DENND1A: variants seen among roughly 807,000 people sequenced by gnomAD.
The protein encoded by DENND1A is DENN domain-containing protein 1A.
A neutral mutation model predicts 113.7 loss-of-function variants in DENND1A; 51 were observed. The observed-to-expected ratio is 0.45, with a 90% CI of 0.36 to 0.57. The LOEUF is 0.57. Ranked by LOEUF, DENND1A falls within the 20% of genes least tolerant of loss-of-function variation. The probability of loss-of-function intolerance (pLI) is 0.00; values close to 1 mark genes in which losing one functional copy is unlikely to be tolerated. For missense variants in DENND1A, 1,258 were observed against 1,395.9 expected, an observed-to-expected ratio of 0.90 and a Z score of 1.57; for synonymous variants, 565 against 570.8, an observed-to-expected ratio of 0.99 and a Z score of 0.14.
chr9:123,502,379 T>C (rs2052566086), intron 13 of DENND1A, among the ~76,000 whole-genome samples: 1 of 152,240 alleles, frequency 6.6e-6, no homozygotes, highest in Non-Finnish European at 1.5e-5. Context: ...TTTTTAACAG[T>C]AGCCATCTTA....
Position 123,457,421 on chromosome 9 carries a change from T to G in DENND1A, c.1113A>C (p.Arg371=), listed in dbSNP as rs764726367. 5 of 1,613,666 alleles carry G rather than the reference T, an allele frequency of 3.1e-6. No homozygotes were observed. The highest frequency in any genetic ancestry group is 4.2e-6 in the Non-Finnish European group (5 of 1,179,686). The stretch of plus-strand genomic sequence containing the variant: ...CTTCGCCGGAATTGAGAAGATCTAA[T>G]CGACCATCAATAAACTATAGAAAGA... ...LQLFKQFIDG[R]LDLLNSGEGF... is the part of the protein sequence containing the mutation. Residue 371 remains arginine (R), a synonymous_variant, in exon 15 of 24, where the codon CGA becomes CGC. Coordinates refer to ENST00000394215, the MANE Select transcript of DENND1A (RefSeq NM_001352964.2).
intron 13 of DENND1A, among the ~76,000 whole-genome samples, chr9:123,513,142 G>C (rs1302121847): frequency 6.6e-6 from 1 of 152,194 alleles, no homozygotes; most frequent in African/African-American, 2.4e-5. Flanking sequence ...CGGTGAGGTG[G>C]CCATGGCCTG....
chr9:123,395,647 C>A lies in DENND1A; in HGVS notation c.1631+7755G>T, dbSNP rs1438521952. ...AGAGCCCAGACAGCTGCCCCTACCC[C>A]CTGGGGCCGAGGGCCCAGCTGGCAT... On this transcript the variant is annotated intron_variant, in intron 21 of 23. Transcript: ENST00000394215. Among the ~76,000 whole-genome samples, 4 of 152,130 alleles carry A rather than the reference C, an allele frequency of 2.6e-5. No homozygotes were observed. The East Asian group carries it at 5.8e-4, about 22-fold the overall frequency.
intron 19 of DENND1A, among the ~76,000 whole-genome samples, chr9:123,432,212 T>G (rs1430752657): frequency 1.3e-5 from 2 of 152,232 alleles, no homozygotes; most frequent in Non-Finnish European, 2.9e-5. Flanking sequence ...CTTTTTTGAT[T>G]GGCAAGTTTT....
intron 2 of DENND1A, among the ~76,000 whole-genome samples, chr9:123,841,022 C>A (rs1378453514): frequency 6.6e-6 from 1 of 152,154 alleles, no homozygotes; most frequent in East Asian, 1.9e-4. Flanking sequence ...CATCTCTGCC[C>A]TATTGTGAAG....
chr9:123,709,477 GCA>G (rs1211894202), intron 5 of DENND1A, among the ~76,000 whole-genome samples: 2 of 151,970 alleles, frequency 1.3e-5, no homozygotes, highest in African/African-American at 4.8e-5. Context: ...TTCTGCTTTG[GCA>G]CAGTCTGAAC....
chr9:123,929,627 G>A (rs959698656), intron 1 of DENND1A, among the ~76,000 whole-genome samples: 5 of 152,054 alleles, frequency 3.3e-5, no homozygotes, highest in Non-Finnish European at 5.9e-5. Context: ...CGGGGAGGGG[G>A]CCGCCCTGTA....
At chr9:123,500,655 C>G (rs2052398036) in intron 13 of DENND1A, among the ~76,000 whole-genome samples, 1 of 152,186 alleles carries the variant, frequency 6.6e-6, no homozygotes, top group Non-Finnish European at 1.5e-5. Context: ...CTCCGCACGC[C>G]TCTCCCTCTT....
intron 13 of DENND1A, among the ~76,000 whole-genome samples, chr9:123,493,971 G>T (rs893590792): frequency 6.6e-6 from 1 of 152,172 alleles, no homozygotes; most frequent in Admixed American, 6.5e-5. Context: ...TGAGGTTTCT[G>T]GGGGGAACTT....
chr9:123,472,756 C>T (rs550475376), intron 13 of DENND1A, among the ~76,000 whole-genome samples: 3 of 152,314 alleles, frequency 2.0e-5, no homozygotes, highest in Admixed American at 6.5e-5. Context: ...CTGCCCACCC[C>T]GCCCACCGCG....
chr9:123,484,990 G>C (rs17212403), intron 13 of DENND1A, among the ~76,000 whole-genome samples: 1 of 152,148 alleles, frequency 6.6e-6, no homozygotes, highest in Non-Finnish European at 1.5e-5. Flanking sequence ...GAGGGCTACA[G>C]GCGACCTGAT....
chr9:123,614,014 T>C (rs141989892), intron 10 of DENND1A, among the ~76,000 whole-genome samples: 23 of 152,348 alleles, frequency 1.5e-4, no homozygotes, highest in African/African-American at 4.3e-4. Flanking sequence ...TATCTTTAGT[T>C]TGAATCCTCT....
intron 5 of DENND1A, among the ~76,000 whole-genome samples, chr9:123,741,740 T>C (rs963275458): frequency 1.3e-5 from 2 of 152,154 alleles, no homozygotes; most frequent in African/African-American, 4.8e-5. Context: ...AGTGAGTGGG[T>C]GCTGAGTGTC....
chr9:123,857,362 T>G (rs983910287), intron 2 of DENND1A, among the ~76,000 whole-genome samples: 2 of 152,230 alleles, frequency 1.3e-5, no homozygotes, highest in Admixed American at 1.3e-4. Flanking sequence ...AGTAACAACC[T>G]TGAATAAGAA....
intron 1 of DENND1A, among the ~76,000 whole-genome samples, chr9:123,914,774 AACT>A (rs778959313): frequency 1.3e-5 from 2 of 151,780 alleles, no homozygotes; most frequent in Non-Finnish European, 2.9e-5. Flanking sequence ...CCAGATCATG[AACT>A]ACTAGAGCAA....
At chr9:123,459,721 A>C (rs2048390937) in intron 13 of DENND1A, among the ~76,000 whole-genome samples, 1 of 151,892 alleles carries the variant, frequency 6.6e-6, no homozygotes, top group African/African-American at 2.4e-5. Context: ...CCCTGGTAGC[A>C]AACACAGAGA....
At chr9:123,423,003 C>T (rs965398935) in intron 19 of DENND1A, among the ~76,000 whole-genome samples, 1 of 152,190 alleles carries the variant, frequency 6.6e-6, no homozygotes, top group African/African-American at 2.4e-5. Context: ...ACATTGTCAG[C>T]GCACAGCTAA....
chr9:123,867,058 G>T (rs1045576988), intron 2 of DENND1A, among the ~76,000 whole-genome samples: 3 of 152,060 alleles, frequency 2.0e-5, no homozygotes, highest in Non-Finnish European at 1.5e-5. Context: ...TCTTTAAATT[G>T]AGCAACTTAT....
intron 18 of DENND1A, among the ~76,000 whole-genome samples, chr9:123,443,692 C>T (rs76938400): frequency 0.013 from 1,956 of 152,294 alleles, 24 homozygotes; most frequent in South Asian, 0.032. Context: ...TGGAGGCTCA[C>T]GCCGGTAATC....
Sources: gnomAD v4.1 joint callset for allele counts (sites outside exome capture counted in the v4.1 genomes callset) on GRCh38, gnomAD v4.1.1 for gene constraint, MANE v1.5 for transcripts, NCBI Gene and HGNC (gene_info 2026-07-23, HGNC 2026-07-21) for gene names.